Variants in SHISA9 observed in about 807,000 individuals in gnomAD.
The protein encoded by SHISA9 is protein shisa-9.
SHISA9 carries 13 observed loss-of-function variants against 38.0 expected under a neutral mutation model. The ratio of observed to expected loss-of-function variants is 0.34; its 90% CI spans 0.22 to 0.54. The LOEUF (loss-of-function observed/expected upper bound fraction) is 0.54. Ranked by LOEUF, SHISA9 falls within the 20% of genes least tolerant of loss-of-function variation. SHISA9 has a pLI of 0.91. For synonymous variants in SHISA9, 275 were observed against 242.0 expected (o/e 1.14, Z -1.27); for missense variants, 538 against 575.8 (o/e 0.93, Z 0.67).
At chr16:12,950,048 A>C (rs1426346682) in intron 2 of SHISA9, among the ~76,000 whole-genome samples, 3 of 152,180 alleles carry the variant, frequency 2.0e-5, no homozygotes, top group Non-Finnish European at 2.9e-5. Context: ...GCCTATGGTA[A>C]ACACCGTTCT....
chr16:12,958,789 TAGTAAATGGC>T (rs557178298), intron 2 of SHISA9, among the ~76,000 whole-genome samples: 51 of 152,342 alleles, frequency 3.3e-4, no homozygotes, highest in South Asian at 2.7e-3. Flanking sequence ...ATTATGTATC[TAGTAAATGGC>T]AGTACTCTGT....
the SHISA9 span, among the ~76,000 whole-genome samples, chr16:13,414,620 G>A: frequency 7.0e-6 from 1 of 143,694 alleles, no homozygotes; most frequent in African/African-American, 2.5e-5. Context: ...ATGTTCGTTC[G>A]TTCTTTCTTT....
intron 2 of SHISA9, among the ~76,000 whole-genome samples, chr16:12,994,464 T>A (rs2072431712): frequency 3.3e-5 from 5 of 152,274 alleles, no homozygotes; most frequent in African/African-American, 4.8e-5. Context: ...TCAGAGGCCT[T>A]GTATGTGTCC....
At chr16:13,208,013 T>C (rs1414351954) in intron 3 of SHISA9, among the ~76,000 whole-genome samples, 3 of 152,340 alleles carry the variant, frequency 2.0e-5, no homozygotes, top group Admixed American at 6.5e-5. Context: ...AATAAATTTC[T>C]CTGGGAAGCT....
At chr16:13,221,594 A>G (rs1567254327) in intron 4 of SHISA9, among the ~76,000 whole-genome samples, 1 of 152,212 alleles carries the variant, frequency 6.6e-6, no homozygotes, top group Non-Finnish European at 1.5e-5. Context: ...AGTGCTTAAG[A>G]GAAAGAAGTA....
chr16:13,160,699 A>T (rs765751111), intron 2 of SHISA9, among the ~76,000 whole-genome samples: 3 of 152,210 alleles, frequency 2.0e-5, no homozygotes, highest in Non-Finnish European at 2.9e-5. Context: ...AACACCCCCC[A>T]GGGGCTTAGT....
At chr16:13,431,595 A>C in the SHISA9 span, among the ~76,000 whole-genome samples, 8,133 of 152,214 alleles carry the variant, frequency 0.053, 528 homozygotes, top group African/African-American at 0.16. Context: ...CACAATGCCC[A>C]GTGGTCCATT....
chr16:12,995,980 C>T (rs921020320), intron 2 of SHISA9, among the ~76,000 whole-genome samples: 4 of 152,132 alleles, frequency 2.6e-5, no homozygotes, highest in Admixed American at 2.6e-4. Context: ...ATGCTTGTTG[C>T]ATAATTCCCT....
chr16:13,450,914 C>T, the SHISA9 span, among the ~76,000 whole-genome samples: 9 of 152,308 alleles, frequency 5.9e-5, no homozygotes, highest in Non-Finnish European at 1.0e-4. Flanking sequence ...CAAATACCCA[C>T]GGAGAACTGT....
chr16:13,125,320 C>T (rs745438472), intron 2 of SHISA9, among the ~76,000 whole-genome samples: 1 of 152,126 alleles, frequency 6.6e-6, no homozygotes, highest in African/African-American at 2.4e-5. Flanking sequence ...TGAATAGACA[C>T]CACTGATTTT....
intron 2 of SHISA9, among the ~76,000 whole-genome samples, chr16:13,136,831 T>C (rs868759010): frequency 6.6e-6 from 1 of 151,738 alleles, no homozygotes; most frequent in Non-Finnish European, 1.5e-5. Context: ...CCCAGTAAAA[T>C]TTTTTTTTGA....
the SHISA9 span, among the ~76,000 whole-genome samples, chr16:13,353,041 TA>T: frequency 6.6e-6 from 1 of 152,096 alleles, no homozygotes; most frequent in African/African-American, 2.4e-5. Flanking sequence ...GTATGAAAAA[TA>T]AAACAAAATA....
chr16:13,200,603 C>G (rs910151305), intron 2 of SHISA9, among the ~76,000 whole-genome samples: 2 of 138,872 alleles, frequency 1.4e-5, no homozygotes, highest in African/African-American at 5.6e-5. Context: ...GTCAGAGGAT[C>G]TTGGGCTCCA....
intron 2 of SHISA9, among the ~76,000 whole-genome samples, chr16:12,944,648 G>C (rs1308442826): frequency 6.6e-6 from 1 of 152,158 alleles, no homozygotes; most frequent in Non-Finnish European, 1.5e-5. Flanking sequence ...CCCTGGCATT[G>C]GGTTCTTGGA....
the SHISA9 span, among the ~76,000 whole-genome samples, chr16:13,277,610 G>A: frequency 6.6e-6 from 1 of 151,584 alleles, no homozygotes; most frequent in African/African-American, 2.4e-5. Flanking sequence ...GTGTTTTGTA[G>A]TTTTCCTTGT....
the SHISA9 span, among the ~76,000 whole-genome samples, chr16:13,428,475 G>C: frequency 6.6e-6 from 1 of 152,164 alleles, no homozygotes; most frequent in African/African-American, 2.4e-5. Flanking sequence ...TCTAAGTGGA[G>C]AGAGAATTCT....
At chr16:13,103,347 A>G (rs9935424) in intron 2 of SHISA9, among the ~76,000 whole-genome samples, 8,260 of 152,260 alleles carry the variant, frequency 0.054, 366 homozygotes, top group Admixed American at 0.14. Flanking sequence ...AGCCTGATTT[A>G]TAGAGTTTTA....
chr16:13,248,499 A>G, the SHISA9 span, among the ~76,000 whole-genome samples: 1 of 152,220 alleles, frequency 6.6e-6, no homozygotes, highest in Non-Finnish European at 1.5e-5. Flanking sequence ...AGTCTTCTCT[A>G]TAACTTCTAG....
At chr16:13,476,136 C>A in the SHISA9 span, among the ~76,000 whole-genome samples, 4 of 152,118 alleles carry the variant, frequency 2.6e-5, no homozygotes, top group Non-Finnish European at 5.9e-5. Context: ...ATTGACCCTT[C>A]TGGTCTTAAA....
Sources: gnomAD v4.1 joint callset for allele counts (sites outside exome capture counted in the v4.1 genomes callset) on GRCh38, gnomAD v4.1.1 for gene constraint, MANE v1.5 for transcripts, NCBI Gene and HGNC (gene_info 2026-07-23, HGNC 2026-07-21) for gene names.